PPP1R9A: variants seen among roughly 807,000 people sequenced by gnomAD.
The protein encoded by PPP1R9A is protein phosphatase 1 regulatory subunit 9A, also known as neurabin-1.
In PPP1R9A, 59 loss-of-function variants were observed where a neutral mutation model predicts 141.9. That is an observed-to-expected ratio of 0.42 (90% confidence interval 0.34 to 0.52). PPP1R9A has a LOEUF of 0.52. Ranked by LOEUF, PPP1R9A falls within the 20% of genes least tolerant of loss-of-function variation. The pLI, the probability that PPP1R9A is intolerant of heterozygous loss-of-function variation, is 0.10. For synonymous variants in PPP1R9A, 500 were observed against 569.7 expected, an observed-to-expected ratio of 0.88 and a Z score of 1.74; for missense variants, 1,444 against 1,611.9, an observed-to-expected ratio of 0.90 and a Z score of 1.78.
intron 5 of PPP1R9A, among the ~76,000 whole-genome samples, chr7:95,186,477 T>C (rs1834670212): frequency 3.9e-5 from 6 of 152,160 alleles, no homozygotes. Context: ...ACAGTTTGAC[T>C]TCCTCTTTAC....
At chr7:95,128,594 GA>G (rs1824000961) in intron 4 of PPP1R9A, among the ~76,000 whole-genome samples, 1 of 151,926 alleles carries the variant, frequency 6.6e-6, no homozygotes, top group Admixed American at 6.6e-5. Flanking sequence ...TGTTTGTTTT[GA>G]GATGGAGTTT....
intron 2 of PPP1R9A, among the ~76,000 whole-genome samples, chr7:95,046,085 T>C (rs866389236): frequency 2.5e-4 from 38 of 150,488 alleles, no homozygotes; most frequent in Admixed American, 1.6e-3. Flanking sequence ...CTTTTCTTTT[T>C]TTTTTTTTTT....
chr7:94,970,511 C>A (rs116089015), intron 2 of PPP1R9A, among the ~76,000 whole-genome samples: 2,099 of 152,230 alleles, frequency 0.014, 34 homozygotes, highest in African/African-American at 0.048. Flanking sequence ...ACTCTCTAAC[C>A]AGTCCCAATG....
Position 95,236,050 on chromosome 7 carries a change from A to G in PPP1R9A, c.2112+9934A>G, listed in dbSNP as rs551968011. On this transcript the variant is annotated intron_variant, in intron 8 of 19. Coordinates refer to ENST00000433360, the MANE Select transcript of PPP1R9A (RefSeq NM_001166160.2). The stretch of plus-strand genomic sequence containing the variant: ...ACATTGGGTACAGTGTACACTGCTC[A>G]GGTGATGGGTTTACCAAAACCTCAG... Among the ~76,000 whole-genome samples the G allele has an allele frequency of 1.3e-3, 199 of 152,298 alleles. 1 individual carries two copies. The highest frequency in any genetic ancestry group is 4.6e-3 in the African/African-American group (192 of 41,574).
At chr7:95,034,184 C>A (rs1808115644) in intron 2 of PPP1R9A, among the ~76,000 whole-genome samples, 1 of 152,002 alleles carries the variant, frequency 6.6e-6, no homozygotes, top group South Asian at 2.1e-4. Flanking sequence ...GTCTCAATAA[C>A]ATTTTATGAA....
At chr7:95,116,088 A>G (rs1323927177) in intron 3 of PPP1R9A, among the ~76,000 whole-genome samples, 2 of 152,146 alleles carry the variant, frequency 1.3e-5, no homozygotes, top group Non-Finnish European at 2.9e-5. Flanking sequence ...CAATTTGGTA[A>G]CATTTACCAC....
chr7:95,211,390 C>T (rs1282221527), intron 7 of PPP1R9A, among the ~76,000 whole-genome samples: 1 of 152,168 alleles, frequency 6.6e-6, no homozygotes, highest in African/African-American at 2.4e-5. Flanking sequence ...CCTCCTGAAA[C>T]AGGGAGTTTG....
At chr7:95,034,741 A>G (rs1289339081) in intron 2 of PPP1R9A, among the ~76,000 whole-genome samples, 9 of 152,358 alleles carry the variant, frequency 5.9e-5, no homozygotes, top group East Asian at 1.9e-4. Flanking sequence ...GTACATTTGT[A>G]TCAATTATTC....
At chr7:94,934,660 G>A (rs372224276) in intron 2 of PPP1R9A, among the ~76,000 whole-genome samples, 4 of 151,762 alleles carry the variant, frequency 2.6e-5, no homozygotes, top group Non-Finnish European at 4.4e-5. Flanking sequence ...TTTTGTTATC[G>A]ATGTTATGTT....
Position 95,146,481 on chromosome 7 carries a change from G to A in PPP1R9A, c.1650-15386G>A, listed in dbSNP as rs551185058. Among the ~76,000 whole-genome samples, 127 of 152,246 alleles carry A rather than the reference G, an allele frequency of 8.3e-4. 1 individual carries two copies. The highest frequency in any genetic ancestry group is 3.5e-3 in the Admixed American group (54 of 15,292). On this transcript the variant is annotated intron_variant, in intron 4 of 19. Transcript: ENST00000433360. ...CCCTGATGATAGTTTCTTTTGCTGT[G>A]CAGAAGCTCTTTAGTTTAATTAGAT...
chr7:94,911,012 G>A lies in PPP1R9A; in HGVS notation c.899G>A (p.Ser300Asn), dbSNP rs1791391550. 3 of 1,614,138 alleles carry A rather than the reference G, an allele frequency of 1.9e-6. No homozygotes were observed. Among genetic ancestry groups the A allele is most frequent in the Admixed American group, 1.7e-5 (1 of 60,028 alleles). ...ASIPGEEIQQ[S>N]KEPEDSTSNQ... ...ATACCTGGTGAAGAGATCCAGCAGA[G>A]CAAGGAACCCGAGGACTCCACATCT... is the stretch of plus-strand genomic sequence containing the variant. Residue 300 changes from serine (S) to asparagine (N), a missense_variant, in exon 2 of 20, where the codon AGC (serine) becomes AAC (asparagine). By Grantham distance (46) the Ser-to-Asn change is conservative. Transcript: ENST00000433360.
intron 2 of PPP1R9A, among the ~76,000 whole-genome samples, chr7:94,991,653 T>TA (rs1417536734): frequency 6.6e-6 from 1 of 152,134 alleles, no homozygotes; most frequent in African/African-American, 2.4e-5. Flanking sequence ...TATATTTTTT[T>TA]AGTTTTTAAA....
intron 2 of PPP1R9A, among the ~76,000 whole-genome samples, chr7:95,034,997 A>T (rs1387793160): frequency 6.6e-6 from 1 of 152,202 alleles, no homozygotes; most frequent in African/African-American, 2.4e-5. Context: ...GCTGTGTTTA[A>T]CACCAACATC....
chr7:95,221,541 C>G (rs916865304), intron 7 of PPP1R9A, among the ~76,000 whole-genome samples: 3 of 151,934 alleles, frequency 2.0e-5, no homozygotes, highest in Non-Finnish European at 4.4e-5. Context: ...ATATGTTTAC[C>G]AAGAGACACA....
At chr7:94,922,525 G>A (rs1792976566) in intron 2 of PPP1R9A, among the ~76,000 whole-genome samples, 1 of 152,050 alleles carries the variant, frequency 6.6e-6, no homozygotes, top group Non-Finnish European at 1.5e-5. Context: ...CAGTAATAGG[G>A]ATATGGTTAA....
At chr7:95,230,348 T>C (rs997366227) in intron 8 of PPP1R9A, among the ~76,000 whole-genome samples, 23 of 151,962 alleles carry the variant, frequency 1.5e-4, no homozygotes, top group African/African-American at 5.6e-4. Context: ...TTTTAGAAGG[T>C]CAATTATTAA....
chr7:95,184,858 A>G, intron 5 of PPP1R9A, among the ~76,000 whole-genome samples: 1 of 151,968 alleles, frequency 6.6e-6, no homozygotes, highest in African/African-American at 2.4e-5. Context: ...GCTTTTCTTT[A>G]TCCACTCATT....
At chr7:94,973,805 A>G (rs1176368784) in intron 2 of PPP1R9A, among the ~76,000 whole-genome samples, 1 of 151,528 alleles carries the variant, frequency 6.6e-6, no homozygotes, top group South Asian at 2.1e-4. Flanking sequence ...TGTTGCCTCA[A>G]CCTCAAGGCT....
At chr7:95,220,246 G>A (rs536374652) in intron 7 of PPP1R9A, among the ~76,000 whole-genome samples, 3 of 152,224 alleles carry the variant, frequency 2.0e-5, no homozygotes, top group East Asian at 1.9e-4. Context: ...ACATTAAAAT[G>A]TGAGTTTGAC....
Sources: allele counts gnomAD v4.1 joint callset (sites outside exome capture counted in the v4.1 genomes callset), GRCh38; gene constraint gnomAD v4.1.1; transcripts MANE v1.5; gene names NCBI Gene and HGNC (gene_info 2026-07-23, HGNC 2026-07-21).